The following MID1 variants were observed in gnomAD, a reference collection of about 807,000 sequenced individuals.
The protein encoded by MID1 is midline 1.
Under a neutral mutation model 40.4 loss-of-function variants are expected in MID1, and 7 were observed. The ratio of observed to expected loss-of-function variants is 0.17; its 90% confidence interval spans 0.10 to 0.33. The LOEUF (loss-of-function observed/expected upper bound fraction) is 0.33. Ranked by LOEUF, MID1 falls within the 10% of genes least tolerant of loss-of-function variation. MID1 has a pLI of 1.00. For synonymous variants in MID1, 229 were observed against 221.2 expected, an observed-to-expected ratio of 1.04 and a Z score of -0.31; for missense variants, 367 against 558.5, an observed-to-expected ratio of 0.66 and a Z score of 3.46.
intron 6 of MID1, among the ~76,000 whole-genome samples, chrX:10,474,060 C>A (rs1436166601): frequency 1.8e-5 from 2 of 112,031 alleles, no homozygotes; most frequent in African/African-American, 6.5e-5. Context: ...CAGTCTTTTA[C>A]TAGAAAGAGC....
chrX:10,549,763 C>T (rs1933836684), intron 2 of MID1, among the ~76,000 whole-genome samples: 1 of 113,187 alleles, frequency 8.8e-6, no homozygotes, highest in South Asian at 3.6e-4. Context: ...TCCCATTGGG[C>T]TGGGCTTCTG....
intron 1 of MID1, among the ~76,000 whole-genome samples, chrX:10,748,611 A>G (rs1308046713): frequency 1.8e-5 from 2 of 112,104 alleles, no homozygotes; most frequent in Non-Finnish European, 3.8e-5. Flanking sequence ...TATAATCATT[A>G]TGATAAAGTG....
At chrX:10,632,384 C>A (rs1410505931) in intron 1 of MID1, among the ~76,000 whole-genome samples, 5 of 111,690 alleles carry the variant, frequency 4.5e-5, no homozygotes, top group Non-Finnish European at 9.4e-5. Flanking sequence ...ATTGAAATCA[C>A]CTGGAAGAGA....
chrX:10,736,005 T>C (rs2043485120), intron 1 of MID1, among the ~76,000 whole-genome samples: 1 of 112,544 alleles, frequency 8.9e-6, no homozygotes, highest in Non-Finnish European at 1.9e-5. Context: ...GCCTCTACCA[T>C]GGAGTAATAT....
At chrX:10,506,943 G>T (rs1275042370) in intron 3 of MID1, among the ~76,000 whole-genome samples, 1 of 111,762 alleles carries the variant, frequency 8.9e-6, no homozygotes, top group African/African-American at 3.3e-5. Flanking sequence ...CCCTGAAAAA[G>T]AAAACACGTG....
intron 9 of MID1, 105 bp from the exon 10 acceptor site, chrX:10,449,821 G>T: frequency 1.6e-6 from 1 of 619,496 alleles, no homozygotes; most frequent in Non-Finnish European, 2.7e-6. Flanking sequence ...ATCATTTGTT[G>T]TCCCTGTTCA....
intron 1 of MID1, among the ~76,000 whole-genome samples, chrX:10,798,219 C>G (rs1414362544): frequency 8.9e-6 from 1 of 112,269 alleles, no homozygotes; most frequent in African/African-American, 3.2e-5. Context: ...GGATTCCTCT[C>G]TCTGCTCTGT....
At chrX:10,599,181 A>G (rs1036976547) in intron 1 of MID1, among the ~76,000 whole-genome samples, 4 of 111,810 alleles carry the variant, frequency 3.6e-5, no homozygotes, top group Non-Finnish European at 7.5e-5. Flanking sequence ...GATTTTAATC[A>G]CCTTCCGCTT....
intron 1 of MID1, among the ~76,000 whole-genome samples, chrX:10,778,327 T>A (rs1373431410): frequency 9.0e-6 from 1 of 110,769 alleles, no homozygotes; most frequent in Non-Finnish European, 1.9e-5. Context: ...ATCGTATATG[T>A]GGTCCATTGT....
chrX:10,763,050 C>T (rs1236766529), intron 1 of MID1, among the ~76,000 whole-genome samples: 1 of 110,744 alleles, frequency 9.0e-6, no homozygotes, highest in Admixed American at 9.6e-5. Flanking sequence ...CTTTGTGGGC[C>T]ACATGGTCTC....
chrX:10,531,549 G>C (rs920607258), intron 2 of MID1, among the ~76,000 whole-genome samples: 2 of 111,996 alleles, frequency 1.8e-5, no homozygotes, highest in Non-Finnish European at 3.8e-5. Flanking sequence ...TGTTTACCTT[G>C]TCAGGTTTTA....
At chrX:10,797,906 G>T (rs745504277) in intron 1 of MID1, among the ~76,000 whole-genome samples, 2 of 111,976 alleles carry the variant, frequency 1.8e-5, no homozygotes, top group South Asian at 7.6e-4. Context: ...TTGCCCATCA[G>T]CTGTTCTTTA....
At chrX:10,697,436 T>C (rs966802083) in intron 1 of MID1, among the ~76,000 whole-genome samples, 4 of 111,565 alleles carry the variant, frequency 3.6e-5, no homozygotes, top group African/African-American at 1.3e-4. Flanking sequence ...GGGAAGAGAA[T>C]TGTCTCCGAA....
At chrX:10,590,878 G>C (rs1053529533) in intron 1 of MID1, among the ~76,000 whole-genome samples, 1 of 111,862 alleles carries the variant, frequency 8.9e-6, no homozygotes, top group Non-Finnish European at 1.9e-5. Context: ...AGAGTTTTTT[G>C]TTGTTATTTT....
chrX:10,714,144 C>A (rs1219768777), intron 1 of MID1, among the ~76,000 whole-genome samples: 3 of 112,422 alleles, frequency 2.7e-5, no homozygotes, highest in African/African-American at 9.7e-5. Context: ...TTCCCTCTTA[C>A]AGGCTCCATA....
At chrX:10,517,177 T>C (rs1278177625) in intron 3 of MID1, among the ~76,000 whole-genome samples, 1 of 111,338 alleles carries the variant, frequency 9.0e-6, no homozygotes, top group Non-Finnish European at 1.9e-5. Flanking sequence ...TTTACAACAA[T>C]TAGGAGGTGC....
intron 1 of MID1, among the ~76,000 whole-genome samples, chrX:10,608,835 CTG>C (rs971821221): frequency 8.1e-5 from 9 of 111,375 alleles, no homozygotes; most frequent in Non-Finnish European, 1.7e-4. Context: ...GTATTTACTG[CTG>C]TGTTTATTTT....
At chrX:10,465,214 T>TACACACACACACAC (rs775197915) in intron 7 of MID1, among the ~76,000 whole-genome samples, 25 of 39,898 alleles carry the variant, frequency 6.3e-4, no homozygotes, top group African/African-American at 2.3e-3. Context: ...TATATATATA[T>TACACACACACACAC]ACACACACAC....
chrX:10,822,718 A>G (rs2044184260), intron 1 of MID1, among the ~76,000 whole-genome samples: 1 of 112,429 alleles, frequency 8.9e-6, no homozygotes, highest in Non-Finnish European at 1.9e-5. Flanking sequence ...AACATATGAA[A>G]AAAAGCTCAA....
Sources: allele counts gnomAD v4.1 joint callset (sites outside exome capture counted in the v4.1 genomes callset), GRCh38; gene constraint gnomAD v4.1.1; transcripts MANE v1.5; gene names NCBI Gene and HGNC (gene_info 2026-07-23, HGNC 2026-07-21).